PAQR3: variants seen among roughly 807,000 people sequenced by gnomAD.
PAQR3 encodes the protein Raf kinase trapping to Golgi.
Under a neutral mutation model 41.7 loss-of-function variants are expected in PAQR3, and 39 were observed. The observed-to-expected ratio is 0.93, with a 90% CI of 0.72 to 1.22. The LOEUF (loss-of-function observed/expected upper bound fraction) is 1.22. Among genes scored for constraint, PAQR3 ranks in the 50% most tolerant of loss-of-function variants. The pLI, the probability that PAQR3 is intolerant of heterozygous loss-of-function variation, is 0.00. For synonymous variants in PAQR3, 140 were observed against 140.6 expected (o/e 1.00, Z 0.03); for missense variants, 366 against 385.6 (o/e 0.95, Z 0.42).
intron 2 of PAQR3, chr4:78,933,003 G>C (rs1360339797): frequency 2.8e-6 from 1 of 355,472 alleles, no homozygotes; most frequent in Non-Finnish European, 5.6e-6. Flanking sequence ...AATACCTCAT[G>C]ATTTGATCCC....
At chr4:78,907,285 G>T (rs569569679), downstream of PAQR3, among the ~76,000 whole-genome samples, 1 of 152,026 alleles carries the variant, frequency 6.6e-6, no homozygotes, top group African/African-American at 2.4e-5. Flanking sequence ...ATGGACAAAG[G>T]GCCAACAGAA....
At chr4:78,891,464 C>T (rs982208916) in intron 11 of PAQR3, among the ~76,000 whole-genome samples, 1 of 152,086 alleles carries the variant, frequency 6.6e-6, no homozygotes, top group African/African-American at 2.4e-5. Flanking sequence ...ATTTTTTCTT[C>T]CTCTTTCTGG....
At position 78,935,147 on chromosome 4, in the gene PAQR3, A is replaced by G; in HGVS notation, c.322T>C (p.Cys108Arg). 6.2e-7 allele frequency: 1 copy of G among 1,613,574 alleles called. No individual in the cohort carries two copies. The highest frequency in any genetic ancestry group is 8.5e-7 in the Non-Finnish European group (1 of 1,179,786). The change falls in exon 2 of 6, where the codon TGT becomes CGT. Residue 108 changes from cysteine to arginine, a missense_variant. Transcript: ENST00000512733. ...TGGAAGCAGAAAAGACAAATAGAAC[A>G]AATTACAAAATCTTCTCTGGACGCA... Reference protein sequence around the residue: ...ASASREDFVICSICLFCFQVC... With the variant: ...ASASREDFVIRSICLFCFQVC...
chr4:78,917,891 A>G lies in PAQR3; in HGVS notation c.*2648T>C. ...TCTTCGTTCCTGATTCTAAAATATG[A>G]TTTTAAAGCTGTTATGTATTACAAA... On this transcript the variant is annotated 3_prime_UTR_variant, in exon 6 of 6. Transcript: ENST00000512733. 4 of 985,134 alleles carry G rather than the reference A, an allele frequency of 4.1e-6. No homozygotes were observed. The highest frequency in any genetic ancestry group is 4.8e-6 in the Non-Finnish European group (4 of 829,352). The allele number at this position is 985,134 out of a possible 1,614,324, so 61.0% of individuals were successfully genotyped here.
chr4:78,911,199 G>A, downstream of PAQR3: 2 of 1,613,766 alleles, frequency 1.2e-6, no homozygotes, highest in South Asian at 2.2e-5. Context: ...CTCAACACAG[G>A]TTTCCTGCTG....
Position 78,915,702 on chromosome 4 carries a change from A to T in PAQR3, c.*4837T>A, listed in dbSNP as rs1435547509. ...TGAATTTTTAAAAAATGGAATTGCA[A>T]CCACAATCATATCTAAGAGAACATT... On this transcript the variant is annotated 3_prime_UTR_variant, in exon 6 of 6. Coordinates refer to ENST00000512733, the MANE Select transcript of PAQR3 (RefSeq NM_001040202.2). The T allele has an allele frequency of 1.3e-5, 2 of 151,998 alleles. No individual in the cohort carries two copies. The highest frequency in any genetic ancestry group is 3.8e-4 in the East Asian group (2 of 5,198). The allele number at this position is 151,998 out of a possible 1,614,324, so 9.4% of individuals were successfully genotyped here. A position where few individuals can be genotyped will look rare whatever the true frequency, so the allele number is the denominator to read the frequency against.
chr4:78,931,363 C>T (rs975707806), intron 2 of PAQR3, among the ~76,000 whole-genome samples: 1 of 151,872 alleles, frequency 6.6e-6, no homozygotes, highest in East Asian at 1.9e-4. Context: ...CCCCACTATA[C>T]TCCAGCCTAG....
chr4:78,927,920 T>G, intron 3 of PAQR3, among the ~76,000 whole-genome samples: 1 of 152,214 alleles, frequency 6.6e-6, no homozygotes, highest in Middle Eastern at 3.2e-3. Context: ...CAGTTTCCAA[T>G]CTCATTCTGA....
downstream of PAQR3, chr4:78,911,312 T>C (rs897866721): frequency 6.2e-7 from 1 of 1,613,822 alleles, no homozygotes; most frequent in African/African-American, 1.3e-5. Flanking sequence ...GCACATACTA[T>C]CCCTGGTTAT....
chr4:78,922,296 T>C (rs2110136165), intron 5 of PAQR3: 1 of 1,274,238 alleles, frequency 7.8e-7, no homozygotes, highest in Non-Finnish European at 1.0e-6. Context: ...AAAAACCAAG[T>C]ACACAAAGGA....
rs905542291 is a variant in PAQR3, at chr4:78,939,388, G to A, written c.-164C>T. On this transcript the variant is annotated 5_prime_UTR_variant, in exon 1 of 6. Transcript: ENST00000512733. ...CAGGGCCCGGCTCTGCGCTCACACC[G>A]GCCACTGCCGCCAGCGCCGCGGCGG... 8 of 429,300 alleles carry A rather than the reference G, an allele frequency of 1.9e-5. No individual in the cohort carries two copies. The highest frequency in any genetic ancestry group is 2.5e-5 in the Non-Finnish European group (7 of 280,206). The allele number at this position is 429,300 out of a possible 1,614,324, so 26.6% of individuals were successfully genotyped here.
rs931952327 is a variant in PAQR3, at chr4:78,920,030, C to T, written c.*509G>A. The T allele has an allele frequency of 5.1e-6, 5 of 984,944 alleles. No individual in the cohort carries two copies. The allele number at this position is 984,944 out of a possible 1,614,324, so 61.0% of individuals were successfully genotyped here. The stretch of plus-strand genomic sequence containing the variant: ...GATATAATATCTGAAGTGCCAGTTT[C>T]TCACAAATCATTTTAGTGATTATTT... On this transcript the variant is annotated 3_prime_UTR_variant, in exon 6 of 6. Coordinates refer to ENST00000512733, the MANE Select transcript of PAQR3 (RefSeq NM_001040202.2).
chr4:78,931,581 C>G (rs887273854), intron 2 of PAQR3, among the ~76,000 whole-genome samples: 4 of 152,032 alleles, frequency 2.6e-5, no homozygotes, highest in African/African-American at 7.3e-5. Flanking sequence ...TACAGAATCA[C>G]TGAACAAACA....
rs764176654 is a variant in PAQR3, at chr4:78,926,616, G to A, written c.607C>T (p.Arg203Cys). 21 of 1,613,762 alleles carry A rather than the reference G, an allele frequency of 1.3e-5. No individual in the cohort carries two copies. The highest frequency in any genetic ancestry group is 2.7e-5 in the African/African-American group (2 of 74,896). Residue 203 changes from arginine to cysteine, a missense_variant, in exon 4 of 6, where the codon CGT (arginine) becomes TGT (cysteine). Transcript: ENST00000512733. ...NYLTQQWQRL[R>C]SIIFCSVSGY... ...GAAACAGAACAAAAGATGATAGAAC[G>A]GAGCCTTTGCCATTGCTGCGTGAGG...
intron 2 of PAQR3, among the ~76,000 whole-genome samples, chr4:78,931,735 C>CA (rs2110162926): frequency 6.6e-6 from 1 of 152,092 alleles, no homozygotes; most frequent in East Asian, 1.9e-4. Flanking sequence ...TCACCTGAGG[C>CA]AGATTTTAAA....
intron 11 of PAQR3, among the ~76,000 whole-genome samples, chr4:78,900,308 TAGC>T (rs1180155568): frequency 6.6e-6 from 1 of 152,252 alleles, no homozygotes; most frequent in African/African-American, 2.4e-5. Flanking sequence ...AGTAGGCTAT[TAGC>T]AGTTAAGTTT....
Position 78,918,106 on chromosome 4 carries a change from T to C in PAQR3, c.*2433A>G. The C allele has an allele frequency of 4.1e-6, 4 of 973,734 alleles. No individual in the cohort carries two copies. The highest frequency in any genetic ancestry group is 4.9e-6 in the Non-Finnish European group (4 of 819,012). The allele number at this position is 973,734 out of a possible 1,614,324, so 60.3% of individuals were successfully genotyped here. On this transcript the variant is annotated 3_prime_UTR_variant, in exon 6 of 6. Transcript: ENST00000512733. ...AATGAGTTAACCACAACCATATAAATTGCTAGACAATTTAAAACAGCCATA... is the reference window on the plus strand; with the variant it reads ...AATGAGTTAACCACAACCATATAAACTGCTAGACAATTTAAAACAGCCATA...
chr4:78,896,264 T>A (rs988950030), intron 11 of PAQR3, among the ~76,000 whole-genome samples: 4 of 152,238 alleles, frequency 2.6e-5, no homozygotes, highest in Admixed American at 1.3e-4. Flanking sequence ...GGCAGTTTTT[T>A]ATACAAATGC....
Position 78,926,662 on chromosome 4 carries a change from A to T in PAQR3, c.561T>A (p.Phe187Leu), listed in dbSNP as rs1736263154. ...TVLAMILAVF[F>L]AQIHPNYLTQ... ...TGAGGTAATTGGGATGAATCTGCGC[A>T]AAGAACACTGCCAGGATCATAGCAA... The change falls in exon 4 of 6, where the codon TTT (phenylalanine) becomes TTA (leucine). Residue 187 changes from phenylalanine to leucine, a missense_variant. Transcript: ENST00000512733. The T allele has an allele frequency of 6.2e-7, 1 of 1,614,088 alleles. No individual in the cohort carries two copies. The highest frequency in any genetic ancestry group is 2.2e-5 in the East Asian group (1 of 44,880).
Sources: gnomAD v4.1 joint callset for allele counts (sites outside exome capture counted in the v4.1 genomes callset) on GRCh38, gnomAD v4.1.1 for gene constraint, MANE v1.5 for transcripts, NCBI Gene and HGNC (gene_info 2026-07-23, HGNC 2026-07-21) for gene names.